GPC6: variants seen among roughly 807,000 people sequenced by gnomAD.
GPC6 encodes glypican-6.
In GPC6, 14 loss-of-function variants were observed where a neutral mutation model predicts 55.2. The observed-to-expected ratio is 0.25, with a 90% CI of 0.17 to 0.40. GPC6 has a LOEUF of 0.40. Among genes scored for constraint, GPC6 ranks in the 10% least tolerant of loss-of-function variants. The pLI is 1.00. For missense variants in GPC6, 641 were observed against 708.5 expected, an observed-to-expected ratio of 0.90 and a Z score of 1.08; for synonymous variants, 278 against 259.6, an observed-to-expected ratio of 1.07 and a Z score of -0.68.
chr13:94,256,170 T>C (rs1405061572), intron 4 of GPC6, among the ~76,000 whole-genome samples: 5 of 152,170 alleles, frequency 3.3e-5, no homozygotes, highest in Non-Finnish European at 1.5e-5. Context: ...AAACTTGATG[T>C]TTTCTTCCAA....
At chr13:93,840,165 T>G (rs1471985261) in intron 3 of GPC6, among the ~76,000 whole-genome samples, 1 of 152,060 alleles carries the variant, frequency 6.6e-6, no homozygotes, top group Non-Finnish European at 1.5e-5. Context: ...AGCTGGTTCT[T>G]TGAAAAGATA....
At chr13:93,527,814 A>C (rs1881712766) in intron 1 of GPC6, among the ~76,000 whole-genome samples, 3 of 152,146 alleles carry the variant, frequency 2.0e-5, no homozygotes, top group African/African-American at 7.2e-5. Flanking sequence ...ATTATAAATT[A>C]ATGGCTGTGT....
At chr13:93,500,196 A>G (rs1234488560) in intron 1 of GPC6, among the ~76,000 whole-genome samples, 3 of 152,200 alleles carry the variant, frequency 2.0e-5, no homozygotes, top group Non-Finnish European at 2.9e-5. Flanking sequence ...ACAGGGAGGG[A>G]AGGCATGGAA....
At chr13:93,771,463 A>G (rs1350448643) in intron 2 of GPC6, among the ~76,000 whole-genome samples, 1 of 151,938 alleles carries the variant, frequency 6.6e-6, no homozygotes, top group Non-Finnish European at 1.5e-5. Context: ...CGGGGAGTGC[A>G]CTCTGCAGGT....
At chr13:94,169,602 G>T (rs1408466639) in intron 4 of GPC6, among the ~76,000 whole-genome samples, 1 of 150,992 alleles carries the variant, frequency 6.6e-6, no homozygotes, top group Admixed American at 6.6e-5. Flanking sequence ...AGAGCATAGA[G>T]ATGTGACTGA....
intron 3 of GPC6, among the ~76,000 whole-genome samples, chr13:93,865,370 A>G (rs1888930302): frequency 6.6e-6 from 1 of 151,754 alleles, no homozygotes; most frequent in East Asian, 2.0e-4. Context: ...ATTTCCATGC[A>G]GCCAGGCCCA....
At chr13:93,847,771 G>C (rs549468344) in intron 3 of GPC6, among the ~76,000 whole-genome samples, 2 of 152,186 alleles carry the variant, frequency 1.3e-5, no homozygotes, top group Non-Finnish European at 2.9e-5. Flanking sequence ...GCTGCAAATT[G>C]TGATGTGTAA....
intron 4 of GPC6, among the ~76,000 whole-genome samples, chr13:94,276,521 G>A (rs1892212467): frequency 6.6e-6 from 1 of 151,972 alleles, no homozygotes; most frequent in South Asian, 2.1e-4. Flanking sequence ...GAACGTGCAG[G>A]TGTGTTACAT....
chr13:94,196,367 A>G (rs1185673543), intron 4 of GPC6, among the ~76,000 whole-genome samples: 1 of 152,174 alleles, frequency 6.6e-6, no homozygotes, highest in Non-Finnish European at 1.5e-5. Flanking sequence ...CGCATGCTAT[A>G]TAAAGATGTT....
At chr13:93,746,084 T>G (rs992815795) in intron 2 of GPC6, among the ~76,000 whole-genome samples, 1 of 152,210 alleles carries the variant, frequency 6.6e-6, no homozygotes, top group African/African-American at 2.4e-5. Flanking sequence ...ACATACCGCT[T>G]AGTCTAATGA....
chr13:93,504,764 A>G lies in GPC6; in HGVS notation c.161-40499A>G, dbSNP rs780502556. Among the ~76,000 whole-genome samples, 38 of 152,262 alleles carry G rather than the reference A, an allele frequency of 2.5e-4. 1 individual carries two copies. The highest frequency in any genetic ancestry group is 3.4e-3 in the Middle Eastern group (1 of 294). On this transcript the variant is annotated intron_variant, in intron 1 of 8. Coordinates refer to ENST00000377047, the MANE Select transcript of GPC6 (RefSeq NM_005708.5). ...ATAATTATCTAAAAAAAACAACAAC[A>G]TTGAGTTCCTACTATCTGCCATTCA...
At chr13:94,030,456 T>C (rs1057146672) in intron 4 of GPC6, among the ~76,000 whole-genome samples, 3 of 152,186 alleles carry the variant, frequency 2.0e-5, no homozygotes, top group African/African-American at 7.2e-5. Context: ...TGTCTGGGTG[T>C]GAAGTGTTAG....
At chr13:94,385,524 T>TA (rs1378877213) in intron 7 of GPC6, among the ~76,000 whole-genome samples, 1 of 152,252 alleles carries the variant, frequency 6.6e-6, no homozygotes, top group Non-Finnish European at 1.5e-5. Context: ...CAATAAAATA[T>TA]ATCTTTTATT....
chr13:93,746,157 C>A (rs1361223617), intron 2 of GPC6, among the ~76,000 whole-genome samples: 1 of 152,170 alleles, frequency 6.6e-6, no homozygotes, highest in Non-Finnish European at 1.5e-5. Flanking sequence ...TGATCTTATG[C>A]ACATGCAAAC....
At chr13:93,782,363 G>T (rs772846569) in intron 2 of GPC6, among the ~76,000 whole-genome samples, 53 of 151,930 alleles carry the variant, frequency 3.5e-4, no homozygotes, top group Admixed American at 1.3e-4. Flanking sequence ...TCCATATCTT[G>T]CCTGTTGCAA....
chr13:93,767,086 A>G (rs569200564), intron 2 of GPC6, among the ~76,000 whole-genome samples: 106 of 152,230 alleles, frequency 7.0e-4, no homozygotes, highest in African/African-American at 2.4e-3. Context: ...ATTAATCTTC[A>G]GTGACATAAT....
intron 1 of GPC6, among the ~76,000 whole-genome samples, chr13:93,508,640 G>A (rs1880824896): frequency 6.6e-6 from 1 of 152,172 alleles, no homozygotes; most frequent in Admixed American, 6.5e-5. Flanking sequence ...TGTAGAAAAA[G>A]TGTTGAGTAT....
chr13:94,401,858 G>C (rs1415423201), intron 8 of GPC6, among the ~76,000 whole-genome samples: 1 of 152,124 alleles, frequency 6.6e-6, no homozygotes, highest in Non-Finnish European at 1.5e-5. Context: ...CTTAGGCCCA[G>C]GAGTTTGGGG....
At chr13:93,233,519 G>A (rs1051075889) in intron 1 of GPC6, among the ~76,000 whole-genome samples, 5 of 152,154 alleles carry the variant, frequency 3.3e-5, no homozygotes, top group African/African-American at 1.2e-4. Context: ...GAACCCCAGG[G>A]AATTTGAATC....
Sources: gnomAD v4.1 joint callset for allele counts (sites outside exome capture counted in the v4.1 genomes callset) on GRCh38, gnomAD v4.1.1 for gene constraint, MANE v1.5 for transcripts, NCBI Gene and HGNC (gene_info 2026-07-23, HGNC 2026-07-21) for gene names.